MACF1: variants seen among roughly 807,000 people sequenced by gnomAD.
MACF1 encodes the protein microtubule-actin cross-linking factor 1.
Under a neutral mutation model 854.8 loss-of-function variants are expected in MACF1, and 193 were observed. The observed-to-expected ratio is 0.23, with a 90% CI of 0.20 to 0.25. The LOEUF (loss-of-function observed/expected upper bound fraction) is 0.25. Among genes scored for constraint, MACF1 ranks in the 10% least tolerant of loss-of-function variants. The pLI, the probability that MACF1 is intolerant of heterozygous loss-of-function variation, is 1.00. For missense variants in MACF1, 7,722 were observed against 8,929.1 expected, an observed-to-expected ratio of 0.86 and a Z score of 5.45; for synonymous variants, 3,185 against 3,226.7, an observed-to-expected ratio of 0.99 and a Z score of 0.44.
chr1:39,207,228 A>G (rs1644460538), intron 1 of MACF1, among the ~76,000 whole-genome samples: 2 of 151,182 alleles, frequency 1.3e-5, no homozygotes, highest in Admixed American at 1.3e-4. Context: ...ATTTGTGTTT[A>G]CATATTATGA....
At chr1:39,220,361 T>TG (rs1644635796) in intron 1 of MACF1, among the ~76,000 whole-genome samples, 1 of 146,908 alleles carries the variant, frequency 6.8e-6, no homozygotes, top group Admixed American at 6.8e-5. Context: ...TTAGTAGAGA[T>TG]GGGGTTTCAC....
At chr1:39,450,997 G>C in intron 84 of MACF1, 55 bp from the exon 85 acceptor site, 1 of 1,574,238 alleles carries the variant, frequency 6.4e-7, no homozygotes, top group Non-Finnish European at 8.7e-7. Context: ...GCAGAATTGT[G>C]GGCCATTTGT....
In MACF1 at chr1:39,302,775, CA is replaced by C. The variant is rs1646076140; in HGVS notation, c.2635-144del. On this transcript the variant is annotated intron_variant, in intron 22 of 100. Transcript: ENST00000564288. The stretch of plus-strand genomic sequence containing the variant: ...TAGATTTATACCCATTATCTTTTGG[CA>C]AAAATCAGAAGCCCTCACTAAGTGA... The C allele has an allele frequency of 9.0e-6, 6 of 668,322 alleles. No homozygotes were observed. The South Asian group carries it at 1.4e-4, about 16-fold the overall frequency. 41.4% of individuals were successfully genotyped at this position (668,322 alleles called of 1,614,324 possible).
intron 49 of MACF1, among the ~76,000 whole-genome samples, chr1:39,366,929 C>G (rs1376394416): frequency 2.7e-5 from 4 of 146,748 alleles, no homozygotes; most frequent in East Asian, 2.0e-4. Context: ...CAGGAATGAG[C>G]CACCATGCCT....
chr1:39,330,735 T>C (rs1646706884), intron 36 of MACF1, among the ~76,000 whole-genome samples: 1 of 152,188 alleles, frequency 6.6e-6, no homozygotes, highest in Non-Finnish European at 1.5e-5. Context: ...TTCAGAATAT[T>C]TCCTACATGT....
chr1:39,410,191 T>TA, intron 58 of MACF1: 1 of 1,106,836 alleles, frequency 9.0e-7, no homozygotes, highest in African/African-American at 1.6e-5. Context: ...ATTTATAACT[T>TA]ATGTAGAATG....
At position 39,284,197 on chromosome 1, in the gene MACF1, G is replaced by A. The variant is rs368566157; in HGVS notation, c.1035+12G>A. The stretch of plus-strand genomic sequence containing the variant: ...CTGTTGAACTAAAGGTAAAGTCAAG[G>A]ACTTAAATTTTTTTGGTAAAATCTT... On this transcript the variant is annotated intron_variant, in intron 10 of 100. Coordinates refer to ENST00000564288, the MANE Select transcript of MACF1 (RefSeq NM_001394062.1). 10 of 1,608,484 alleles carry A rather than the reference G, an allele frequency of 6.2e-6. No homozygotes were observed. The East Asian group carries it at 2.0e-4, about 32-fold the overall frequency.
Position 39,332,175 on chromosome 1 carries a change from A to G in MACF1, c.5587A>G (p.Thr1863Ala), listed in dbSNP as rs972658827. 1 of 1,614,086 alleles carries G rather than the reference A, an allele frequency of 6.2e-7. No homozygotes were observed. The highest frequency in any genetic ancestry group is 1.1e-5 in the South Asian group (1 of 91,068). Residue 1863 changes from threonine to alanine, a missense_variant, in exon 37 of 101, where the codon ACA (threonine) becomes GCA (alanine). Thr to Ala is a moderately conservative substitution (Grantham distance 58). Coordinates refer to ENST00000564288, the MANE Select transcript of MACF1 (RefSeq NM_001394062.1). Reference sequence around the variant, plus strand: ...TGAATCTGGAGAGATCCTCCCAATTACAGATGCCCTAGAACAAGGTATTGT... The same window carrying G: ...TGAATCTGGAGAGATCCTCCCAATTGCAGATGCCCTAGAACAAGGTATTGT... ...WPESGEILPITDALEQGIVST... is the reference protein window; with the variant it reads ...WPESGEILPIADALEQGIVST...
chr1:39,365,312 G>A (rs1222486734), intron 49 of MACF1, among the ~76,000 whole-genome samples: 1 of 152,012 alleles, frequency 6.6e-6, no homozygotes, highest in African/African-American at 2.4e-5. Context: ...TGCTGACCTC[G>A]TGATCCACCT....
chr1:39,155,375 G>A (rs557748703), intron 2 of MACF1, among the ~76,000 whole-genome samples: 1 of 152,330 alleles, frequency 6.6e-6, no homozygotes, highest in East Asian at 1.9e-4. Flanking sequence ...TTAGATTGCT[G>A]TTGTGTAGTC....
In MACF1 at chr1:39,468,710, A is replaced by G. The variant is rs764181336; in HGVS notation, c.21867A>G (p.Leu7289=). 1.2e-5 allele frequency: 20 copies of G among 1,614,072 alleles called. No individual in the cohort carries two copies. In the South Asian group the frequency reaches 2.1e-4, roughly 17 times the overall value. Residue 7289 remains leucine (L), a synonymous_variant, in exon 96 of 101, where the codon TTA becomes TTG. Coordinates refer to ENST00000564288, the MANE Select transcript of MACF1 (RefSeq NM_001394062.1). ...GGGWMALDEF[L]VKNDPCRVHH... Reference sequence around the variant, plus strand: ...GATGGATGGCCTTGGATGAATTTTTAGTGAAAAATGATCCCTGCCGAGGTA... The same window carrying G: ...GATGGATGGCCTTGGATGAATTTTTGGTGAAAAATGATCCCTGCCGAGGTA...
chr1:39,340,586 CAAG>C lies in MACF1; in HGVS notation c.10304_10306del (p.Glu3435del). On this transcript the variant is annotated inframe_deletion, in exon 39 of 101. Coordinates refer to ENST00000564288, the MANE Select transcript of MACF1 (RefSeq NM_001394062.1). ...GAATCAGATTATCATCAGCCAGCCT[CAAG>C]AAGTTCCTGCTCAACTGTTGAAGGC... 6.2e-7 allele frequency: 1 copy of C among 1,614,140 alleles called. No individual in the cohort carries two copies. The highest frequency in any genetic ancestry group is 1.1e-5 in the South Asian group (1 of 91,078).
At position 39,311,013 on chromosome 1, in the gene MACF1, A is replaced by G. The variant is rs368009912; in HGVS notation, c.3270+13A>G. ...TGCAGAGCAAGAGGTAAGCCCTAAG[A>G]GCCATGTGGATGCTGGTTGTGGAGT... On this transcript the variant is annotated intron_variant, in intron 26 of 100. Transcript: ENST00000564288. 4 of 1,606,026 alleles carry G rather than the reference A, an allele frequency of 2.5e-6. No homozygotes were observed. The highest frequency in any genetic ancestry group is 2.6e-6 in the Non-Finnish European group (3 of 1,176,436).
Position 39,299,612 on chromosome 1 carries a change from T to C in MACF1, c.2482-598T>C, listed in dbSNP as rs1470793710. ...ATATAGCACAGCAAATACTAAGAGG[T>C]AAACCCTAAATCATTTGTCATGATA... On this transcript the variant is annotated intron_variant, in intron 21 of 100. Coordinates refer to ENST00000564288, the MANE Select transcript of MACF1 (RefSeq NM_001394062.1). 2.6e-5 allele frequency among the ~76,000 whole-genome samples: 4 copies of C among 152,310 alleles called. No homozygotes were observed. In the East Asian group the frequency reaches 5.8e-4, roughly 22 times the overall value.
intron 6 of MACF1, among the ~76,000 whole-genome samples, chr1:39,280,680 C>T (rs943080259): frequency 3.3e-5 from 5 of 152,064 alleles, no homozygotes; most frequent in African/African-American, 1.2e-4. Context: ...TGGGTTCAAG[C>T]GATTCTCGTG....
At chr1:39,440,701 A>C (rs561909704) in intron 72 of MACF1, among the ~76,000 whole-genome samples, 1 of 152,158 alleles carries the variant, frequency 6.6e-6, no homozygotes, top group Non-Finnish European at 1.5e-5. Flanking sequence ...TTTCTCTGTA[A>C]TAGACTTCTA....
chr1:39,160,757 C>T (rs1234940270), intron 2 of MACF1, among the ~76,000 whole-genome samples: 1 of 152,190 alleles, frequency 6.6e-6, no homozygotes, highest in Non-Finnish European at 1.5e-5. Flanking sequence ...GGCTGCCAGG[C>T]AGAGAGTTAG....
upstream of MACF1, among the ~76,000 whole-genome samples, chr1:39,203,267 G>A (rs114280260): frequency 0.02 from 3,038 of 152,258 alleles, 109 homozygotes; most frequent in African/African-American, 0.07. Flanking sequence ...GCAGTGGCAT[G>A]ATCATGGCTT....
At chr1:39,251,238 T>G (rs956059910) in intron 3 of MACF1, among the ~76,000 whole-genome samples, 1 of 152,192 alleles carries the variant, frequency 6.6e-6, no homozygotes, top group Non-Finnish European at 1.5e-5. Context: ...ACAGAAGCTT[T>G]TATTAGCATA....
Sources: allele counts gnomAD v4.1 joint callset (sites outside exome capture counted in the v4.1 genomes callset), GRCh38; gene constraint gnomAD v4.1.1; transcripts MANE v1.5; gene names NCBI Gene and HGNC (gene_info 2026-07-23, HGNC 2026-07-21).